Variants in GRIP1 observed in about 807,000 individuals in gnomAD.
GRIP1 encodes the protein glutamate receptor-interacting protein 1.
GRIP1 carries 45 observed loss-of-function variants against 129.9 expected under a neutral mutation model. The observed-to-expected ratio is 0.35, with a 90% CI of 0.27 to 0.44. GRIP1 has a LOEUF of 0.44. Among genes scored for constraint, GRIP1 ranks in the 20% least tolerant of loss-of-function variants. GRIP1 has a pLI of 1.00. For synonymous variants in GRIP1, 530 were observed against 520.8 expected, an observed-to-expected ratio of 1.02 and a Z score of -0.24; for missense variants, 1,196 against 1,396.8, an observed-to-expected ratio of 0.86 and a Z score of 2.29.
At chr12:66,900,324 C>G (rs2040823887) in intron 1 of GRIP1, among the ~76,000 whole-genome samples, 1 of 152,000 alleles carries the variant, frequency 6.6e-6, no homozygotes, top group Non-Finnish European at 1.5e-5. Context: ...AAATCCTAAC[C>G]CCCACCCTTA....
intron 7 of GRIP1, among the ~76,000 whole-genome samples, chr12:66,466,660 T>C (rs1173535636): frequency 6.6e-6 from 1 of 152,244 alleles, no homozygotes; most frequent in African/African-American, 2.4e-5. Flanking sequence ...TTTTCCACAG[T>C]GTTTATTAAA....
At chr12:66,531,422 A>G (rs1192574676) in intron 4 of GRIP1, among the ~76,000 whole-genome samples, 1 of 151,636 alleles carries the variant, frequency 6.6e-6, no homozygotes, top group Non-Finnish European at 1.5e-5. Flanking sequence ...GGCTTTAATT[A>G]CAATTATTTT....
chr12:66,474,186 G>A (rs903164183), intron 7 of GRIP1, among the ~76,000 whole-genome samples: 18 of 151,806 alleles, frequency 1.2e-4, no homozygotes, highest in African/African-American at 3.1e-4. Flanking sequence ...TGAAGCATAC[G>A]GAAGTATCAA....
At chr12:66,914,377 C>T (rs1341591910) in intron 1 of GRIP1, among the ~76,000 whole-genome samples, 2 of 152,138 alleles carry the variant, frequency 1.3e-5, no homozygotes, top group Admixed American at 1.3e-4. Flanking sequence ...TAGAAAAAAA[C>T]ATGTAATGGA....
chr12:66,475,383 G>A (rs574526967), intron 7 of GRIP1, among the ~76,000 whole-genome samples: 39 of 151,918 alleles, frequency 2.6e-4, no homozygotes, highest in Non-Finnish European at 5.1e-4. Flanking sequence ...AATAGTGGGA[G>A]ACTTTAACAC....
chr12:66,550,202 C>T (rs558103652), intron 2 of GRIP1, among the ~76,000 whole-genome samples: 6 of 152,082 alleles, frequency 3.9e-5, no homozygotes, highest in Admixed American at 6.6e-5. Flanking sequence ...TTAGTTTTCA[C>T]GGGTCTTAGT....
intron 1 of GRIP1, among the ~76,000 whole-genome samples, chr12:66,798,666 T>A (rs2136901105): frequency 6.6e-6 from 1 of 152,298 alleles, no homozygotes; most frequent in East Asian, 1.9e-4. Context: ...TTATGCCATT[T>A]TAAGTCCCCT....
chr12:66,827,019 G>A (rs1234896791), intron 1 of GRIP1, among the ~76,000 whole-genome samples: 2 of 152,040 alleles, frequency 1.3e-5, no homozygotes, highest in Non-Finnish European at 2.9e-5. Context: ...TTTCTTCCTT[G>A]AAGTCAACTT....
intron 4 of GRIP1, among the ~76,000 whole-genome samples, chr12:66,537,825 T>G (rs2139182815): frequency 6.6e-6 from 1 of 152,314 alleles, no homozygotes; most frequent in South Asian, 2.1e-4. Flanking sequence ...ACTAAGAAAG[T>G]TGGCTTTGCC....
intron 15 of GRIP1, among the ~76,000 whole-genome samples, chr12:66,409,603 T>C (rs1212182041): frequency 2.6e-5 from 4 of 152,178 alleles, no homozygotes; most frequent in Non-Finnish European, 5.9e-5. Flanking sequence ...AAGACTATAA[T>C]AAATACTTAA....
At chr12:66,865,097 A>G (rs543258824) in intron 1 of GRIP1, among the ~76,000 whole-genome samples, 2 of 152,262 alleles carry the variant, frequency 1.3e-5, no homozygotes, top group East Asian at 3.9e-4. Context: ...CAACATCTGG[A>G]TAAGGGAACT....
At chr12:66,580,044 C>T (rs1276543429) in intron 2 of GRIP1, among the ~76,000 whole-genome samples, 3 of 148,716 alleles carry the variant, frequency 2.0e-5, no homozygotes, top group East Asian at 2.0e-4. Flanking sequence ...GCCCATCAGA[C>T]TAACAGCGGA....
At chr12:66,734,023 C>T (rs1202791968) in intron 1 of GRIP1, among the ~76,000 whole-genome samples, 1 of 151,894 alleles carries the variant, frequency 6.6e-6, no homozygotes, top group African/African-American at 2.4e-5. Context: ...CTAGGAGAGG[C>T]AAAAAGGAAA....
At chr12:66,402,240 T>C (rs994013538) in intron 16 of GRIP1, among the ~76,000 whole-genome samples, 9 of 152,230 alleles carry the variant, frequency 5.9e-5, no homozygotes, top group African/African-American at 1.7e-4. Flanking sequence ...TTTGTGCATA[T>C]CCTTATGACA....
intron 1 of GRIP1, among the ~76,000 whole-genome samples, chr12:67,018,225 C>G (rs968710450): frequency 3.3e-5 from 5 of 152,100 alleles, no homozygotes; most frequent in Admixed American, 2.0e-4. Context: ...CTCCTCCAGG[C>G]TTACACCAGC....
At chr12:66,482,375 A>AT (rs2059830649) in intron 7 of GRIP1, among the ~76,000 whole-genome samples, 1 of 152,194 alleles carries the variant, frequency 6.6e-6, no homozygotes, top group African/African-American at 2.4e-5. Flanking sequence ...AATGTTTCTC[A>AT]TTTGACTTTA....
intron 1 of GRIP1, among the ~76,000 whole-genome samples, chr12:67,003,103 C>T (rs2042576180): frequency 6.6e-6 from 1 of 151,976 alleles, no homozygotes; most frequent in African/African-American, 2.4e-5. Context: ...CCTAAACATG[C>T]AACTTAAAAA....
chr12:66,973,378 CTTTTTT>C (rs55729292), intron 1 of GRIP1, among the ~76,000 whole-genome samples: 1 of 129,492 alleles, frequency 7.7e-6, no homozygotes, highest in Non-Finnish European at 1.6e-5. Flanking sequence ...CTTTTTCATT[CTTTTTT>C]TTTTTTTTTT....
At chr12:66,526,214 T>G (rs2061233284) in intron 5 of GRIP1, among the ~76,000 whole-genome samples, 1 of 150,676 alleles carries the variant, frequency 6.6e-6, no homozygotes, top group African/African-American at 2.4e-5. Context: ...AGAGCCTGCA[T>G]TGCCAAGTCA....
Sources: gnomAD v4.1 joint callset for allele counts (sites outside exome capture counted in the v4.1 genomes callset) on GRCh38, gnomAD v4.1.1 for gene constraint, MANE v1.5 for transcripts, NCBI Gene and HGNC (gene_info 2026-07-23, HGNC 2026-07-21) for gene names.